PPP1R37: variants seen among roughly 807,000 people sequenced by gnomAD.
PPP1R37 encodes the protein leucine rich repeat containing 68.
PPP1R37 carries 21 observed loss-of-function variants against 61.0 expected under a neutral mutation model. The observed-to-expected ratio is 0.34, with a 90% CI of 0.24 to 0.50. The LOEUF (loss-of-function observed/expected upper bound fraction) is 0.50. Ranked by LOEUF, PPP1R37 falls within the 20% of genes least tolerant of loss-of-function variation. PPP1R37 has a pLI of 0.98. For missense variants in PPP1R37, 910 were observed against 952.7 expected (o/e 0.96, Z 0.59); for synonymous variants, 443 against 433.5 (o/e 1.02, Z -0.27).
chr19:45,126,046 ATGGTGCC>A (rs1401154253), intron 1 of PPP1R37, among the ~76,000 whole-genome samples: 2 of 152,192 alleles, frequency 1.3e-5, no homozygotes, highest in Non-Finnish European at 2.9e-5. Flanking sequence ...ATAGGGGTGG[ATGGTGCC>A]CAAGTCGTGG....
At chr19:45,141,250 G>T in intron 4 of PPP1R37, 72 bp from the exon 5 acceptor site, 1 of 1,450,764 alleles carries the variant, frequency 6.9e-7, no homozygotes, top group East Asian at 2.5e-5. Flanking sequence ...GGTGGGGCCC[G>T]GTGTCAGGGC....
intron 1 of PPP1R37, among the ~76,000 whole-genome samples, chr19:45,096,059 G>A (rs1423892822): frequency 1.3e-5 from 2 of 152,108 alleles, no homozygotes; most frequent in Non-Finnish European, 2.9e-5. Flanking sequence ...ATTTAGGAGA[G>A]GACTGGATGA....
intron 1 of PPP1R37, among the ~76,000 whole-genome samples, chr19:45,106,242 G>A (rs1328630110): frequency 6.6e-6 from 1 of 151,834 alleles, no homozygotes; most frequent in Non-Finnish European, 1.5e-5. Context: ...TTTTGTTTTT[G>A]TTTTTGTTTT....
At position 45,119,946 on chromosome 19, in the gene PPP1R37, C is replaced by T. The variant is rs560648542; in HGVS notation, c.203-18568C>T. On this transcript the variant is annotated intron_variant, in intron 1 of 12. Transcript: ENST00000221462. ...CTTTGTTCCTGGTTCCCGGCTGCTT[C>T]ACTGGCTACTCCATCTCTGTGTTCA... Among the ~76,000 whole-genome samples the T allele has an allele frequency of 8.2e-4, 125 of 151,992 alleles. 1 individual carries two copies. The highest frequency in any genetic ancestry group is 2.9e-3 in the African/African-American group (121 of 41,440).
At position 45,138,451 on chromosome 19, in the gene PPP1R37, G is replaced by A. The variant is rs1472415060; in HGVS notation, c.203-63G>A. ...GGCAGAGGCCTTAGGGCGGGAGTGGGTGGAGCCCCATGAAGGACTCGGGGT... is the reference window on the plus strand; with the variant it reads ...GGCAGAGGCCTTAGGGCGGGAGTGGATGGAGCCCCATGAAGGACTCGGGGT... On this transcript the variant is annotated intron_variant, in intron 1 of 12. Transcript: ENST00000221462. The A allele has an allele frequency of 2.4e-6, 3 of 1,237,322 alleles. No homozygotes were observed. The African/African-American group carries it at 4.5e-5, about 18-fold the overall frequency. 76.6% of individuals were successfully genotyped at this position (1,237,322 alleles called of 1,614,324 possible). A position where few individuals can be genotyped will look rare whatever the true frequency, so the allele number is the denominator to read the frequency against.
At chr19:45,111,027 G>A (rs1483352295) in intron 1 of PPP1R37, among the ~76,000 whole-genome samples, 1 of 152,056 alleles carries the variant, frequency 6.6e-6, no homozygotes, top group African/African-American at 2.4e-5. Context: ...GACTTGGGTG[G>A]GTGGCAGTGC....
At chr19:45,116,911 CTTTTTTTTTT>C (rs61317000) in intron 1 of PPP1R37, among the ~76,000 whole-genome samples, 3 of 121,068 alleles carry the variant, frequency 2.5e-5, no homozygotes, top group Non-Finnish European at 5.2e-5. Flanking sequence ...GAGGAGGTGA[CTTTTTTTTTT>C]TTTTTTTTTG....
intron 1 of PPP1R37, among the ~76,000 whole-genome samples, chr19:45,094,918 G>A (rs1967973128): frequency 6.6e-6 from 1 of 152,168 alleles, no homozygotes; most frequent in Non-Finnish European, 1.5e-5. Context: ...TGGGAAAGTG[G>A]AAAGTCGCTT....
intron 1 of PPP1R37, among the ~76,000 whole-genome samples, chr19:45,106,464 G>A (rs1257323995): frequency 6.6e-6 from 1 of 151,906 alleles, no homozygotes; most frequent in Non-Finnish European, 1.5e-5. Context: ...GGCTGATCTC[G>A]AACTCCTGAC....
At chr19:45,112,707 T>C (rs941895380) in intron 1 of PPP1R37, among the ~76,000 whole-genome samples, 1 of 152,192 alleles carries the variant, frequency 6.6e-6, no homozygotes, top group Non-Finnish European at 1.5e-5. Flanking sequence ...TGTCACTGTC[T>C]AGGGATGGGT....
chr19:45,099,420 C>T (rs1055022767), intron 1 of PPP1R37, among the ~76,000 whole-genome samples: 4 of 152,260 alleles, frequency 2.6e-5, no homozygotes, highest in African/African-American at 4.8e-5. Flanking sequence ...CAGCTTCTGC[C>T]TACTCTGGCT....
chr19:45,098,472 G>A (rs904003893), intron 1 of PPP1R37, among the ~76,000 whole-genome samples: 3 of 152,168 alleles, frequency 2.0e-5, no homozygotes, highest in Admixed American at 2.0e-4. Context: ...CAGTCCTGCC[G>A]GTGACTCACT....
At chr19:45,097,856 G>T (rs879730436) in intron 1 of PPP1R37, among the ~76,000 whole-genome samples, 1 of 152,136 alleles carries the variant, frequency 6.6e-6, no homozygotes, top group African/African-American at 2.4e-5. Context: ...CTGTGGGCCC[G>T]TGAGGCCTGG....
At position 45,142,380 on chromosome 19, in the gene PPP1R37, G is replaced by A. The variant is rs1343010276; in HGVS notation, c.796G>A (p.Ala266Thr). Residue 266 changes from alanine to threonine, a missense_variant, in exon 7 of 13, where the codon GCC becomes ACC. Ala to Thr is a moderately conservative substitution (Grantham distance 58). Transcript: ENST00000221462. The stretch of plus-strand genomic sequence containing the variant: ...CAAGCTCAACGGCCTGCAGGACTCG[G>A]CCCAGCTGGGTAACCTGCTCAAGTT... Reference protein sequence around the residue: ...DNKLNGLQDSAQLGNLLKFNC... With the variant: ...DNKLNGLQDSTQLGNLLKFNC... The A allele has an allele frequency of 1.3e-6, 2 of 1,536,000 alleles. No individual in the cohort carries two copies. Among genetic ancestry groups the A allele is most frequent in the Non-Finnish European group, 1.7e-6 (2 of 1,146,930 alleles).
intron 1 of PPP1R37, among the ~76,000 whole-genome samples, chr19:45,095,118 G>A (rs184972387): frequency 6.6e-6 from 1 of 152,310 alleles, no homozygotes; most frequent in Admixed American, 6.5e-5. Flanking sequence ...TGGTGGCTTT[G>A]ATGTGAGGGT....
intron 1 of PPP1R37, among the ~76,000 whole-genome samples, chr19:45,117,466 G>A (rs1968284131): frequency 6.6e-6 from 1 of 152,198 alleles, no homozygotes; most frequent in East Asian, 1.9e-4. Context: ...AGGTGGTGCC[G>A]AGTGAAAGCC....
chr19:45,120,829 G>A (rs955813406), intron 1 of PPP1R37, among the ~76,000 whole-genome samples: 1 of 152,072 alleles, frequency 6.6e-6, no homozygotes, highest in Non-Finnish European at 1.5e-5. Flanking sequence ...GGCCAGGCTG[G>A]TCTCCAACTC....
chr19:45,141,517 C>T (rs1441593909), intron 5 of PPP1R37, 76 bp downstream of exon 5: 67 of 1,474,478 alleles, frequency 4.5e-5, no homozygotes, highest in East Asian at 7.4e-5. Flanking sequence ...GGGCATGGCC[C>T]GTAGGCTCTG....
intron 1 of PPP1R37, chr19:45,136,358 TAAG>T (rs1202966528): frequency 6.6e-6 from 1 of 152,168 alleles, no homozygotes; most frequent in African/African-American, 2.4e-5. Context: ...CCTCTGTTAA[TAAG>T]AAGGAAATGC....
Sources: allele counts gnomAD v4.1 joint callset (sites outside exome capture counted in the v4.1 genomes callset), GRCh38; gene constraint gnomAD v4.1.1; transcripts MANE v1.5; gene names NCBI Gene and HGNC (gene_info 2026-07-23, HGNC 2026-07-21).